The following PLCB1 variants were observed in gnomAD, a reference collection of about 807,000 sequenced individuals.
PLCB1 encodes the protein 1-phosphatidylinositol 4,5-bisphosphate phosphodiesterase beta-1.
Under a neutral mutation model 161.8 loss-of-function variants are expected in PLCB1, and 46 were observed. That is an observed-to-expected ratio of 0.28 (90% CI 0.22 to 0.36). PLCB1 has a LOEUF of 0.36. Ranked by LOEUF, PLCB1 falls within the 10% of genes least tolerant of loss-of-function variation. The probability of loss-of-function intolerance (pLI) is 1.00; values close to 1 mark genes in which losing one functional copy is unlikely to be tolerated. For synonymous variants in PLCB1, 517 were observed against 503.7 expected (o/e 1.03, Z -0.35); for missense variants, 1,016 against 1,472.5 (o/e 0.69, Z 5.07).
chr20:8,232,474 G>T (rs1980106366), intron 2 of PLCB1, among the ~76,000 whole-genome samples: 1 of 152,136 alleles, frequency 6.6e-6, no homozygotes, highest in African/African-American at 2.4e-5. Flanking sequence ...CCTGGCACTA[G>T]AGCAATGTTA....
intron 3 of PLCB1, among the ~76,000 whole-genome samples, chr20:8,445,700 G>A (rs1176442030): frequency 6.6e-6 from 1 of 152,032 alleles, no homozygotes; most frequent in Non-Finnish European, 1.5e-5. Flanking sequence ...TCTTCCATTT[G>A]TTTGTGTCCT....
chr20:8,867,626 G>C (rs1987474379), intron 31 of PLCB1, among the ~76,000 whole-genome samples: 1 of 152,100 alleles, frequency 6.6e-6, no homozygotes, highest in African/African-American at 2.4e-5. Flanking sequence ...TCTCGAATAG[G>C]CTGTCATGCC....
At chr20:8,259,335 G>A (rs1981580157) in intron 2 of PLCB1, among the ~76,000 whole-genome samples, 1 of 152,156 alleles carries the variant, frequency 6.6e-6, no homozygotes. Flanking sequence ...AGTCTCTGCT[G>A]GCTGGGCATG....
At chr20:8,617,574 T>C (rs910440915) in intron 3 of PLCB1, among the ~76,000 whole-genome samples, 7 of 152,196 alleles carry the variant, frequency 4.6e-5, no homozygotes, top group African/African-American at 1.7e-4. Flanking sequence ...GTTGTTGTTT[T>C]GGGTTTTTTG....
chr20:8,667,506 C>T (rs1002180395), intron 9 of PLCB1, among the ~76,000 whole-genome samples: 2 of 152,152 alleles, frequency 1.3e-5, no homozygotes, highest in Non-Finnish European at 2.9e-5. Context: ...TTCCTTTATT[C>T]CCAGAAGGCA....
At chr20:8,667,851 A>T (rs1033649439) in intron 9 of PLCB1, among the ~76,000 whole-genome samples, 1 of 152,142 alleles carries the variant, frequency 6.6e-6, no homozygotes, top group African/African-American at 2.4e-5. Context: ...ATTGGGACAG[A>T]GCAGAGAATG....
At chr20:8,787,291 C>A (rs1983534930) in intron 27 of PLCB1, among the ~76,000 whole-genome samples, 1 of 152,190 alleles carries the variant, frequency 6.6e-6, no homozygotes, top group African/African-American at 2.4e-5. Flanking sequence ...CTCCTCCCTG[C>A]TGCAAATGGG....
intron 3 of PLCB1, among the ~76,000 whole-genome samples, chr20:8,585,703 C>A (rs1986968991): frequency 6.6e-6 from 1 of 152,198 alleles, no homozygotes; most frequent in African/African-American, 2.4e-5. Context: ...TTCTCTAGGG[C>A]CTCATGCTAA....
At chr20:8,786,092 T>G (rs933555702) in intron 27 of PLCB1, among the ~76,000 whole-genome samples, 1 of 152,048 alleles carries the variant, frequency 6.6e-6, no homozygotes, top group African/African-American at 2.4e-5. Context: ...TTTTAAGAAG[T>G]TCCCCCACAT....
At chr20:8,843,646 AAAT>A (rs1476761706) in intron 31 of PLCB1, among the ~76,000 whole-genome samples, 1 of 152,054 alleles carries the variant, frequency 6.6e-6, no homozygotes, top group Non-Finnish European at 1.5e-5. Flanking sequence ...GATAAAATAT[AAAT>A]AATGAGAAAG....
chr20:8,541,596 GAAA>G (rs1985329562), intron 3 of PLCB1, among the ~76,000 whole-genome samples: 2 of 150,426 alleles, frequency 1.3e-5, no homozygotes, highest in Admixed American at 6.7e-5. Flanking sequence ...AAGAAAGAAA[GAAA>G]GAAAGAAAGG....
intron 9 of PLCB1, among the ~76,000 whole-genome samples, chr20:8,670,828 A>G (rs933127638): frequency 1.3e-5 from 2 of 152,240 alleles, no homozygotes; most frequent in Admixed American, 6.5e-5. Context: ...GCCATGGGAT[A>G]TTAATGCCAT....
intron 2 of PLCB1, among the ~76,000 whole-genome samples, chr20:8,226,711 G>A (rs1216314436): frequency 1.3e-5 from 2 of 148,912 alleles, no homozygotes; most frequent in African/African-American, 2.5e-5. Context: ...TTTTTGAGAC[G>A]AAATCTCACT....
intron 31 of PLCB1, among the ~76,000 whole-genome samples, chr20:8,825,708 GA>G (rs984850323): frequency 6.6e-6 from 1 of 152,206 alleles, no homozygotes; most frequent in Non-Finnish European, 1.5e-5. Context: ...TTTAGACTTT[GA>G]AAATATTTTT....
rs185499747 is a variant in PLCB1 at position 8,462,831 on chromosome 20, G to A, written c.246+91381G>A. ...ATAAGGCTTAGACGCAAAACACTTC[G>A]TTTTCCTGATCACCACTCAGGCATG... is the stretch of plus-strand genomic sequence containing the variant. On this transcript the variant is annotated intron_variant, in intron 3 of 31. Transcript: ENST00000338037. Among the ~76,000 whole-genome samples the A allele has an allele frequency of 1.2e-3, 188 of 151,736 alleles. 7 individuals carry two copies. The highest frequency in any genetic ancestry group is 2.5e-3 in the Non-Finnish European group (173 of 67,908).
intron 9 of PLCB1, among the ~76,000 whole-genome samples, chr20:8,682,853 G>A (rs1029384642): frequency 3.9e-5 from 6 of 152,060 alleles, no homozygotes; most frequent in African/African-American, 4.8e-5. Flanking sequence ...AAAAGTATGC[G>A]AAGTCTTTGA....
intron 23 of PLCB1, among the ~76,000 whole-genome samples, chr20:8,755,200 T>C (rs911283555): frequency 2.0e-5 from 3 of 152,160 alleles, no homozygotes; most frequent in Admixed American, 1.3e-4. Context: ...TAATGCAGTT[T>C]TGGAAGATGG....
chr20:8,335,799 T>C (rs1256369754), intron 2 of PLCB1, among the ~76,000 whole-genome samples: 1 of 152,250 alleles, frequency 6.6e-6, no homozygotes, highest in Non-Finnish European at 1.5e-5. Context: ...AGCATTGTAG[T>C]AATTTATGTG....
rs1568667905 is a variant in PLCB1, at chr20:8,417,048, C to CAT, written c.246+45599_246+45600insTA. Among the ~76,000 whole-genome samples, 215 of 55,766 alleles carry CAT rather than the reference C, an allele frequency of 3.9e-3. 2 individuals are homozygous for CAT. Among genetic ancestry groups the CAT allele is most frequent in the African/African-American group, 0.014 (206 of 14,830 alleles). The allele number at this position is 55,766 out of a possible 152,430, so 36.6% of individuals were successfully genotyped here. ...GTATACACACACACACACACACACA[C>CAT]ACACACATATATATATATATATATA... On this transcript the variant is annotated intron_variant, in intron 3 of 31. Coordinates refer to ENST00000338037, the MANE Select transcript of PLCB1 (RefSeq NM_015192.4).
Sources: gnomAD v4.1 joint callset for allele counts (sites outside exome capture counted in the v4.1 genomes callset) on GRCh38, gnomAD v4.1.1 for gene constraint, MANE v1.5 for transcripts, NCBI Gene and HGNC (gene_info 2026-07-23, HGNC 2026-07-21) for gene names.